Variants in FAM227A observed in about 807,000 individuals in gnomAD.
FAM227A encodes the protein protein FAM227A.
A neutral mutation model predicts 74.7 loss-of-function variants in FAM227A; 80 were observed. That is an observed-to-expected ratio of 1.07 (90% CI 0.89 to 1.29). FAM227A has a LOEUF of 1.29. FAM227A is among the 50% of genes most tolerant of loss of function. FAM227A has a pLI of 0.00. For missense variants in FAM227A, 654 were observed against 683.4 expected (o/e 0.96, Z 0.48); for synonymous variants, 237 against 241.8 (o/e 0.98, Z 0.19).
At chr22:38,635,881 T>C (rs2091993785) in intron 6 of FAM227A, among the ~76,000 whole-genome samples, 1 of 151,902 alleles carries the variant, frequency 6.6e-6, no homozygotes, top group Non-Finnish European at 1.5e-5. Flanking sequence ...GTGCATGCTA[T>C]TCAGGAGGTT....
rs2090748057 is a variant in FAM227A, at chr22:38,583,600, G to A, written c.*2525C>T. 1 of 152,248 alleles carries A rather than the reference G, an allele frequency of 6.6e-6. No individual in the cohort carries two copies. Among genetic ancestry groups the A allele is most frequent in the African/African-American group, 2.4e-5 (1 of 41,404 alleles). 9.4% of individuals were successfully genotyped at this position (152,248 alleles called of 1,614,324 possible). The stretch of plus-strand genomic sequence containing the variant: ...CTAATCCTCACAACAACCCTCCTAG[G>A]CAGGCATTCCCTTTCTGCAGTCAAG... On this transcript the variant is annotated 3_prime_UTR_variant, in exon 17 of 17. Transcript: ENST00000535113.
rs1602797301 is a variant in FAM227A, at chr22:38,578,493, A to G, written c.*7632T>C. 6.6e-6 allele frequency: 1 copy of G among 152,214 alleles called. No individual in the cohort carries two copies. Among genetic ancestry groups the G allele is most frequent in the Non-Finnish European group, 1.5e-5 (1 of 68,048 alleles). 9.4% of individuals were successfully genotyped at this position (152,214 alleles called of 1,614,324 possible). ...CATAGGTGTCCAAGAGAGGCTTGCT[A>G]TGACAGTTTATTTTACTAGCATTTA... On this transcript the variant is annotated 3_prime_UTR_variant, in exon 17 of 17. Transcript: ENST00000535113.
chr22:38,617,904 G>A (rs2091612381), intron 11 of FAM227A, among the ~76,000 whole-genome samples: 1 of 152,040 alleles, frequency 6.6e-6, no homozygotes, highest in African/African-American at 2.4e-5. Context: ...CCAGGAGGAC[G>A]CCACAGCACT....
intron 16 of FAM227A, among the ~76,000 whole-genome samples, chr22:38,588,516 G>A (rs533058745): frequency 3.3e-5 from 5 of 151,078 alleles, no homozygotes; most frequent in African/African-American, 1.2e-4. Flanking sequence ...CTACTCAGGA[G>A]GCTGAGGCAG....
chr22:38,647,400 G>A (rs372861543), intron 2 of FAM227A, among the ~76,000 whole-genome samples: 3 of 152,006 alleles, frequency 2.0e-5, no homozygotes, highest in South Asian at 2.1e-4. Context: ...GGAGGCGGAC[G>A]TTGCAGTGAG....
Position 38,626,060 on chromosome 22 carries a change from G to A in FAM227A, c.850+120C>T, listed in dbSNP as rs151199005. ...ATACTTTGCTCTCTTTAATGTTAAG[G>A]AGAGAAAAGAGAGAATGCCTTCATG... On this transcript the variant is annotated intron_variant, in intron 9 of 16. Transcript: ENST00000535113. The A allele has an allele frequency of 5.8e-4, 594 of 1,015,952 alleles. 3 individuals carry two copies. In the African/African-American group the frequency reaches 8.6e-3, roughly 15 times the overall value. The allele number at this position is 1,015,952 out of a possible 1,614,324, so 62.9% of individuals were successfully genotyped here.
chr22:38,583,104 C>A lies in FAM227A; in HGVS notation c.*3021G>T. On this transcript the variant is annotated 3_prime_UTR_variant, in exon 17 of 17. Transcript: ENST00000535113. ...AAAGGGAAGGTGAGAGAGTGTTCTG[C>A]TTATCTGCCCCACATGGTGCCTTGT... 1 of 748,372 alleles carries A rather than the reference C, an allele frequency of 1.3e-6. No individual in the cohort carries two copies. The highest frequency in any genetic ancestry group is 2.2e-6 in the Non-Finnish European group (1 of 464,684). The allele number at this position is 748,372 out of a possible 1,614,324, so 46.4% of individuals were successfully genotyped here.
chr22:38,621,457 T>C (rs2145556665), intron 10 of FAM227A, among the ~76,000 whole-genome samples: 1 of 148,334 alleles, frequency 6.7e-6, no homozygotes, highest in Admixed American at 6.7e-5. Context: ...GATCAGGAAA[T>C]GGAAATGCTT....
chr22:38,644,194 C>G (rs531162108), intron 3 of FAM227A, among the ~76,000 whole-genome samples: 2 of 141,754 alleles, frequency 1.4e-5, no homozygotes, highest in Non-Finnish European at 3.1e-5. Flanking sequence ...AAAAAGCATA[C>G]TAAGTGAAAG....
intron 13 of FAM227A, among the ~76,000 whole-genome samples, chr22:38,601,046 G>A (rs2146216158): frequency 6.6e-6 from 1 of 152,200 alleles, no homozygotes; most frequent in Admixed American, 6.5e-5. Flanking sequence ...CAGCAAATAT[G>A]TATTGAGTGA....
chr22:38,654,842 A>G (rs994737049), intron 1 of FAM227A, among the ~76,000 whole-genome samples: 30 of 140,700 alleles, frequency 2.1e-4, no homozygotes, highest in African/African-American at 6.6e-4. Context: ...CAGCTATTCG[A>G]GAGGCTGAGG....
chr22:38,644,168 AGAT>A (rs2092178728), intron 3 of FAM227A, among the ~76,000 whole-genome samples: 1 of 149,996 alleles, frequency 6.7e-6, no homozygotes, highest in East Asian at 2.0e-4. Context: ...AAAAAAAAAA[AGAT>A]GTGGAGGAAA....
intron 7 of FAM227A, 37 bp downstream of exon 7, chr22:38,628,792 ATAACT>A (rs749397316): frequency 1.4e-5 from 16 of 1,180,378 alleles, no homozygotes; most frequent in Middle Eastern, 1.9e-4. Context: ...CTGTAGAAAA[ATAACT>A]TAAGCAAGGC....
chr22:38,649,799 T>C (rs1218858008), intron 2 of FAM227A: 6 of 377,462 alleles, frequency 1.6e-5, no homozygotes, highest in Non-Finnish European at 2.8e-5. Context: ...ACCTGGGAGG[T>C]AGAGGTTGCA....
At chr22:38,587,024 G>A (rs1450189218) in intron 16 of FAM227A, among the ~76,000 whole-genome samples, 1 of 152,082 alleles carries the variant, frequency 6.6e-6, no homozygotes, top group Non-Finnish European at 1.5e-5. Flanking sequence ...GAAAGAACAT[G>A]CTACAACTTG....
chr22:38,636,086 A>AGGAG (rs928316373), intron 6 of FAM227A, among the ~76,000 whole-genome samples: 1 of 147,320 alleles, frequency 6.8e-6, no homozygotes, highest in African/African-American at 2.6e-5. Context: ...AAAGGAAGGA[A>AGGAG]GGAGGGAGGG....
chr22:38,625,004 G>A (rs1381753513), intron 9 of FAM227A, among the ~76,000 whole-genome samples: 1 of 152,108 alleles, frequency 6.6e-6, no homozygotes, highest in African/African-American at 2.4e-5. Flanking sequence ...CACAGCACCA[G>A]GTACACAGGA....
At chr22:38,655,265 C>T (rs937341681) in intron 1 of FAM227A, among the ~76,000 whole-genome samples, 3 of 151,922 alleles carry the variant, frequency 2.0e-5, no homozygotes, top group African/African-American at 7.2e-5. Flanking sequence ...CGCAGTGGCC[C>T]GCACCTGTAA....
chr22:38,628,615 C>T (rs1419735460), intron 7 of FAM227A, among the ~76,000 whole-genome samples: 1 of 152,188 alleles, frequency 6.6e-6, no homozygotes, highest in Non-Finnish European at 1.5e-5. Flanking sequence ...AGCTGTGCAA[C>T]CAGCTCCTAA....
Sources: gnomAD v4.1 joint callset for allele counts (sites outside exome capture counted in the v4.1 genomes callset) on GRCh38, gnomAD v4.1.1 for gene constraint, MANE v1.5 for transcripts, NCBI Gene and HGNC (gene_info 2026-07-23, HGNC 2026-07-21) for gene names.